The following MAST2 variants were observed in gnomAD, a reference collection of about 807,000 sequenced individuals.
MAST2 encodes the protein microtubule-associated serine/threonine-protein kinase 2.
Under a neutral mutation model 147.4 loss-of-function variants are expected in MAST2, and 70 were observed. The observed-to-expected ratio is 0.47, with a 90% CI of 0.39 to 0.58. The LOEUF is 0.58. Among genes scored for constraint, MAST2 ranks in the 20% least tolerant of loss-of-function variants. MAST2 has a pLI of 0.00. For missense variants in MAST2, 2,080 were observed against 2,302.3 expected (o/e 0.90, Z 1.98); for synonymous variants, 869 against 896.8 (o/e 0.97, Z 0.55).
chr1:45,939,775 C>T (rs914166711), intron 4 of MAST2, among the ~76,000 whole-genome samples: 1 of 151,992 alleles, frequency 6.6e-6, no homozygotes, highest in Non-Finnish European at 1.5e-5. Context: ...CTCCTGACCT[C>T]GTGATCTGCC....
intron 3 of MAST2, among the ~76,000 whole-genome samples, chr1:45,840,967 T>C (rs1402001799): frequency 6.6e-6 from 1 of 152,182 alleles, no homozygotes; most frequent in Non-Finnish European, 1.5e-5. Flanking sequence ...CTCTATTTTT[T>C]TGAGACAGGG....
At position 45,829,571 on chromosome 1, in the gene MAST2, C is replaced by T; in HGVS notation, c.458C>T (p.Thr153Ile). Residue 153 changes from threonine (T) to isoleucine (I), a missense_variant, in exon 3 of 29, where the codon ACT becomes ATT. Thr to Ile is a moderately conservative substitution (Grantham distance 89). Transcript: ENST00000361297. Reference protein sequence around the residue: ...QSLGQSAPSLTAGLKELSLPR... With the variant: ...QSLGQSAPSLIAGLKELSLPR... ...CTTGGACAGTCTGCACCTTCTCTTACTGCTGGCCTGGTAAGTGTTCATAAA... is the reference window on the plus strand; with the variant it reads ...CTTGGACAGTCTGCACCTTCTCTTATTGCTGGCCTGGTAAGTGTTCATAAA... 3 of 1,613,090 alleles carry T rather than the reference C, an allele frequency of 1.9e-6. No homozygotes were observed. Among genetic ancestry groups the T allele is most frequent in the Admixed American group, 1.7e-5 (1 of 59,798 alleles).
intron 3 of MAST2, among the ~76,000 whole-genome samples, chr1:45,849,887 T>C (rs1173145754): frequency 6.6e-6 from 1 of 152,214 alleles, no homozygotes; most frequent in Admixed American, 6.5e-5. Flanking sequence ...GTCTTTACTA[T>C]TGTGAATAGT....
chr1:45,965,863 CA>C (rs1258522894), intron 5 of MAST2, among the ~76,000 whole-genome samples: 3 of 152,070 alleles, frequency 2.0e-5, no homozygotes, highest in Non-Finnish European at 4.4e-5. Context: ...ACATTTGTTA[CA>C]GTTGATGAGC....
intron 4 of MAST2, among the ~76,000 whole-genome samples, chr1:45,904,649 A>G (rs1259854607): frequency 6.6e-6 from 1 of 151,672 alleles, no homozygotes; most frequent in Non-Finnish European, 1.5e-5. Context: ...TATTTTTTGT[A>G]AAGATGGGAT....
chr1:45,982,603 C>T (rs1644455592), intron 5 of MAST2, among the ~76,000 whole-genome samples: 1 of 152,194 alleles, frequency 6.6e-6, no homozygotes, highest in Non-Finnish European at 1.5e-5. Context: ...ACTTCCCCTC[C>T]CACACCTCAC....
At chr1:45,825,585 A>G (rs1425697640) in intron 2 of MAST2, among the ~76,000 whole-genome samples, 1 of 151,342 alleles carries the variant, frequency 6.6e-6, no homozygotes, top group African/African-American at 2.4e-5. Context: ...GGTGCGCACC[A>G]CCATGCCTGG....
chr1:45,806,975 T>C (rs1424636527), intron 1 of MAST2, among the ~76,000 whole-genome samples: 1 of 152,228 alleles, frequency 6.6e-6, no homozygotes, highest in Non-Finnish European at 1.5e-5. Flanking sequence ...CCCAAAGTGC[T>C]GGGATTATGG....
At chr1:45,883,912 G>GCCTCCCCCCCCCCCCCCCCCCCC (rs59944185) in intron 4 of MAST2, among the ~76,000 whole-genome samples, 1 of 2,486 alleles carries the variant, frequency 4.0e-4, no homozygotes, top group Non-Finnish European at 1.0e-3. Context: ...TACTATTTCT[G>GCCTCCCCCCCCCCCCCCCCCCCC]CCCCCCCCGC....
intron 4 of MAST2, among the ~76,000 whole-genome samples, chr1:45,915,437 G>A (rs1200178550): frequency 6.6e-6 from 1 of 152,194 alleles, no homozygotes; most frequent in Non-Finnish European, 1.5e-5. Flanking sequence ...CCGGCCAGGC[G>A]CGGTGGCTTA....
At chr1:45,933,063 TAA>T (rs61544126) in intron 4 of MAST2, among the ~76,000 whole-genome samples, 6,269 of 88,052 alleles carry the variant, frequency 0.071, 206 homozygotes, top group African/African-American at 0.13. Flanking sequence ...CCCATTTCTT[TAA>T]AAAAAAAAAA....
In MAST2 at chr1:46,029,870, GTCT is replaced by G; in HGVS notation, c.2361_2363del (p.Leu788del). The G allele has an allele frequency of 6.2e-7, 1 of 1,614,180 alleles. No individual in the cohort carries two copies. Among genetic ancestry groups the G allele is most frequent in the Non-Finnish European group, 8.5e-7 (1 of 1,180,034 alleles). ...GTGAAGCAGCACCCATTCTTTACTG[GTCT>G]GGACTGGACAGGACTTCTCCGCCAG... On this transcript the variant is annotated inframe_deletion, in exon 20 of 29. Transcript: ENST00000361297.
intron 4 of MAST2, among the ~76,000 whole-genome samples, chr1:45,951,867 G>A (rs555959604): frequency 6.6e-6 from 1 of 152,270 alleles, no homozygotes; most frequent in East Asian, 1.9e-4. Context: ...ATGGGAAGAG[G>A]CAGTATTCAT....
chr1:45,879,291 G>A (rs1646739027), intron 3 of MAST2, among the ~76,000 whole-genome samples: 1 of 152,084 alleles, frequency 6.6e-6, no homozygotes, highest in South Asian at 2.1e-4. Flanking sequence ...AGGCTCTACT[G>A]GCCTGGCATG....
intron 1 of MAST2, among the ~76,000 whole-genome samples, chr1:45,807,510 C>T (rs58432851): frequency 0.048 from 7,252 of 151,722 alleles, 619 homozygotes; most frequent in African/African-American, 0.17. Context: ...ACATTTCCAC[C>T]GTAGACTCAT....
intron 26 of MAST2, 33 bp from the exon 27 acceptor site, chr1:46,033,768 CA>C: frequency 6.2e-7 from 1 of 1,603,434 alleles, no homozygotes; most frequent in Non-Finnish European, 8.5e-7. Context: ...AATATGGCTC[CA>C]GCTTAGCCTA....
At chr1:45,974,140 G>A (rs1644038976) in intron 5 of MAST2, among the ~76,000 whole-genome samples, 2 of 152,202 alleles carry the variant, frequency 1.3e-5, no homozygotes, top group South Asian at 4.1e-4. Flanking sequence ...CTGGCACAGT[G>A]TCCTTCTATA....
intron 4 of MAST2, among the ~76,000 whole-genome samples, chr1:45,941,405 G>A (rs1345486003): frequency 2.0e-5 from 3 of 151,962 alleles, no homozygotes; most frequent in Admixed American, 6.6e-5. Flanking sequence ...GATTGCAGGC[G>A]CCTGCCACTG....
Position 45,990,569 on chromosome 1 carries a change from C to T in MAST2, c.593-7155C>T, listed in dbSNP as rs191804619. Among the ~76,000 whole-genome samples, 8 of 152,274 alleles carry T rather than the reference C, an allele frequency of 5.3e-5. No homozygotes were observed. In the East Asian group the frequency reaches 1.5e-3, roughly 29 times the overall value. On this transcript the variant is annotated intron_variant, in intron 5 of 28. Coordinates refer to ENST00000361297, the MANE Select transcript of MAST2 (RefSeq NM_015112.3). ...AGTTCAGTGGTGCAGTCACAGCCCA[C>T]TACAGCCCAAGCTCAAATGATCCTC...
Sources: gnomAD v4.1 joint callset for allele counts (sites outside exome capture counted in the v4.1 genomes callset) on GRCh38, gnomAD v4.1.1 for gene constraint, MANE v1.5 for transcripts, NCBI Gene and HGNC (gene_info 2026-07-23, HGNC 2026-07-21) for gene names.